The following PCNX4 variants were observed in gnomAD, a reference collection of about 807,000 sequenced individuals.
PCNX4 encodes pecanex 4.
Under a neutral mutation model 107.2 loss-of-function variants are expected in PCNX4, and 103 were observed. That is an observed-to-expected ratio of 0.96 (90% CI 0.82 to 1.13). The LOEUF is 1.13. Ranked by LOEUF, PCNX4 falls within the 50% of genes most tolerant of loss-of-function variation. The pLI is 0.00. For missense variants in PCNX4, 1,528 were observed against 1,379.4 expected, an observed-to-expected ratio of 1.11 and a Z score of -1.71; for synonymous variants, 541 against 481.7, an observed-to-expected ratio of 1.12 and a Z score of -1.61.
chr14:60,101,012 GCTCT>G (rs2140531347), intron 1 of PCNX4, among the ~76,000 whole-genome samples: 1 of 152,316 alleles, frequency 6.6e-6, no homozygotes, highest in African/African-American at 2.4e-5. Flanking sequence ...TCTGAAGTCT[GCTCT>G]CTGAGAGCTT....
chr14:60,098,199 C>G (rs1455070151), intron 1 of PCNX4, among the ~76,000 whole-genome samples: 4 of 152,078 alleles, frequency 2.6e-5, no homozygotes, highest in Non-Finnish European at 4.4e-5. Flanking sequence ...GATGTCAGCC[C>G]CAAGATAACC....
In PCNX4 at chr14:60,139,452, A is replaced by G. The variant is rs1896282171; in HGVS notation, c.*5231A>G. ...TCTAATATTTTAATGATTTAACAAT[A>G]TAGCCTCAAATATATAAGCAGAAAT... On this transcript the variant is annotated 3_prime_UTR_variant, in exon 11 of 11. Transcript: ENST00000406854. 1 of 152,160 alleles carries G rather than the reference A, an allele frequency of 6.6e-6. No individual in the cohort carries two copies. Among genetic ancestry groups the G allele is most frequent in the Non-Finnish European group, 1.5e-5 (1 of 67,970 alleles). 9.4% of individuals were successfully genotyped at this position (152,160 alleles called of 1,614,324 possible).
At chr14:60,120,506 G>A (rs1188237603) in intron 7 of PCNX4, among the ~76,000 whole-genome samples, 1 of 152,156 alleles carries the variant, frequency 6.6e-6, no homozygotes, top group East Asian at 1.9e-4. Context: ...GTTGGTTCTG[G>A]TATGTTAACA....
intron 2 of PCNX4, 127 bp downstream of exon 2, chr14:60,108,454 G>A: frequency 1.5e-6 from 1 of 653,406 alleles, no homozygotes; most frequent in South Asian, 2.9e-5. Flanking sequence ...TGGGTGACAG[G>A]TTATTTTGAT....
Position 60,116,063 on chromosome 14 carries a change from A to G in PCNX4, c.1578+3A>G, listed in dbSNP as rs376496527. 1 of 1,597,762 alleles carries G rather than the reference A, an allele frequency of 6.3e-7. No homozygotes were observed. The highest frequency in any genetic ancestry group is 1.3e-5 in the African/African-American group (1 of 74,126). The stretch of plus-strand genomic sequence containing the variant: ...ATACAGGACTCAGACTCTTACTGGT[A>G]AGTGTGTCTTTTAACAGCTTTACTG... On this transcript the variant is annotated splice_donor_region_variant and intron_variant, in intron 6 of 10. Coordinates refer to ENST00000406854, the MANE Select transcript of PCNX4 (RefSeq NM_001330177.2).
Position 60,125,663 on chromosome 14 carries a change from A to C in PCNX4, c.3107A>C (p.Lys1036Thr), listed in dbSNP as rs1310934408. Residue 1036 changes from lysine to threonine, a missense_variant, in exon 10 of 11, where the codon AAA becomes ACA. By Grantham distance (78) the Lys-to-Thr change is moderately conservative. Transcript: ENST00000406854. ...TATACTCTGAAACTAATGATTGATA[A>C]AGCAAGTTTAGGTCCAATAGAAGAC... ...FRYTLKLMIDKASLGPIEDFR... is the reference protein window; with the variant it reads ...FRYTLKLMIDTASLGPIEDFR... 8 of 1,547,152 alleles carry C rather than the reference A, an allele frequency of 5.2e-6. No homozygotes were observed. The highest frequency in any genetic ancestry group is 7.0e-6 in the Non-Finnish European group (8 of 1,150,328).
Position 60,114,889 on chromosome 14 carries a change from T to C in PCNX4, c.869+10T>C, listed in dbSNP as rs750391209. The C allele has an allele frequency of 1.3e-5, 21 of 1,589,262 alleles. 2 individuals carry two copies. In the South Asian group the frequency reaches 2.4e-4, roughly 19 times the overall value. On this transcript the variant is annotated intron_variant, in intron 3 of 10. Coordinates refer to ENST00000406854, the MANE Select transcript of PCNX4 (RefSeq NM_001330177.2). ...TGTCAACCCACTTACGGTATTTATTTTTAAATATTGATGTTATATGTAATA... is the reference window on the plus strand; with the variant it reads ...TGTCAACCCACTTACGGTATTTATTCTTAAATATTGATGTTATATGTAATA...
intron 1 of PCNX4, among the ~76,000 whole-genome samples, chr14:60,104,154 A>G (rs1307730270): frequency 6.6e-6 from 1 of 152,152 alleles, no homozygotes; most frequent in South Asian, 2.1e-4. Context: ...CCCCGTCTCC[A>G]CTAAAAATAC....
rs1348876150 is a variant in PCNX4, at chr14:60,140,564, A to C, written c.*6343A>C. The C allele has an allele frequency of 1.3e-5, 2 of 151,814 alleles. No homozygotes were observed. Among genetic ancestry groups the C allele is most frequent in the African/African-American group, 2.4e-5 (1 of 41,238 alleles). 9.4% of individuals were successfully genotyped at this position (151,814 alleles called of 1,614,324 possible). ...CATTCCCCCCAACATCAATGCAAAA[A>C]TCCCAAACAAAATACTAGCAAACTA... On this transcript the variant is annotated 3_prime_UTR_variant, in exon 11 of 11. Coordinates refer to ENST00000406854, the MANE Select transcript of PCNX4 (RefSeq NM_001330177.2). The surrounding 1 kb of genome is among the most constrained non-coding windows in gnomAD (Gnocchi z 4.2).
chr14:60,095,384 C>T lies in PCNX4; in HGVS notation c.-54+2965C>T, dbSNP rs542878072. On this transcript the variant is annotated intron_variant, in intron 1 of 10. Transcript: ENST00000406854. Reference sequence around the variant, plus strand: ...GTCTGGTGGGCCAGGGGTAACTGCACCTGTAAGCTGTCAATTGACATTGCC... The same window carrying T: ...GTCTGGTGGGCCAGGGGTAACTGCATCTGTAAGCTGTCAATTGACATTGCC... 2.6e-5 allele frequency among the ~76,000 whole-genome samples: 4 copies of T among 152,214 alleles called. No homozygotes were observed. In the East Asian group the frequency reaches 7.7e-4, roughly 29 times the overall value.
rs1367183824 is a variant in PCNX4, at chr14:60,138,470, CCAGA to C, written c.*4252_*4255del. 6.6e-6 allele frequency: 1 copy of C among 152,002 alleles called. No homozygotes were observed. The highest frequency in any genetic ancestry group is 1.9e-4 in the East Asian group (1 of 5,198). The allele number at this position is 152,002 out of a possible 1,614,324, so 9.4% of individuals were successfully genotyped here. On this transcript the variant is annotated 3_prime_UTR_variant, in exon 11 of 11. Coordinates refer to ENST00000406854, the MANE Select transcript of PCNX4 (RefSeq NM_001330177.2). Reference sequence around the variant, plus strand: ...CACAAAAAGAAAATCATTAAAGGAGCCAGACAATGATAAAAGACATTACTTTTAA... The same window carrying C: ...CACAAAAAGAAAATCATTAAAGGAGCCAATGATAAAAGACATTACTTTTAA...
chr14:60,108,363 T>C, intron 2 of PCNX4, 36 bp downstream of exon 2: 1 of 1,474,030 alleles, frequency 6.8e-7, no homozygotes, highest in Non-Finnish European at 9.2e-7. Context: ...ACTAACTTTG[T>C]TTTTAAGTAT....
intron 2 of PCNX4, among the ~76,000 whole-genome samples, chr14:60,112,554 C>T (rs1167375299): frequency 1.3e-5 from 2 of 152,066 alleles, no homozygotes; most frequent in South Asian, 2.1e-4. Flanking sequence ...TCCTTGTATA[C>T]GAATACTTTA....
intron 2 of PCNX4, among the ~76,000 whole-genome samples, chr14:60,113,348 A>T (rs1273584843): frequency 1.3e-5 from 2 of 152,162 alleles, no homozygotes; most frequent in African/African-American, 4.8e-5. Flanking sequence ...TAATTATTTC[A>T]GAAATTGTCT....
chr14:60,110,192 G>A (rs192775705), intron 2 of PCNX4: 3 of 167,300 alleles, frequency 1.8e-5, no homozygotes, highest in Admixed American at 1.3e-4. Context: ...GTTGGAGACA[G>A]GAAGTAATGA....
intron 10 of PCNX4, among the ~76,000 whole-genome samples, chr14:60,126,627 C>T (rs745886237): frequency 1.3e-5 from 2 of 152,142 alleles, no homozygotes; most frequent in Non-Finnish European, 2.9e-5. Flanking sequence ...CAACCCAGAA[C>T]GTAGGCTCTC....
At chr14:60,130,991 G>A (rs972228388) in intron 10 of PCNX4, among the ~76,000 whole-genome samples, 5 of 151,886 alleles carry the variant, frequency 3.3e-5, no homozygotes, top group Non-Finnish European at 7.4e-5. Flanking sequence ...GATGGGATTA[G>A]TGCCCTTATA....
chr14:60,138,112 G>C lies in PCNX4; in HGVS notation c.*3891G>C, dbSNP rs968396512. On this transcript the variant is annotated 3_prime_UTR_variant, in exon 11 of 11. Coordinates refer to ENST00000406854, the MANE Select transcript of PCNX4 (RefSeq NM_001330177.2). ...TCTCAAAAAGAAAAAAAAAAAAAAA[G>C]GATTCAGTGAATAGATTTGATAGAA... 6.7e-6 allele frequency: 1 copy of C among 149,844 alleles called. No homozygotes were observed. The highest frequency in any genetic ancestry group is 1.5e-5 in the Non-Finnish European group (1 of 67,812). The allele number at this position is 149,844 out of a possible 1,614,324, so 9.3% of individuals were successfully genotyped here.
chr14:60,136,080 G>C lies in PCNX4; in HGVS notation c.*1859G>C, dbSNP rs1896236142. ...TTACTTGTCAAATCATTCCAATCTG[G>C]ATCCCATCTCCATGACTCTCCCAAA... On this transcript the variant is annotated 3_prime_UTR_variant, in exon 11 of 11. Transcript: ENST00000406854. 1 of 150,652 alleles carries C rather than the reference G, an allele frequency of 6.6e-6. No individual in the cohort carries two copies. The highest frequency in any genetic ancestry group is 2.5e-5 in the African/African-American group (1 of 40,784). 9.3% of individuals were successfully genotyped at this position (150,652 alleles called of 1,614,324 possible).
Sources: allele counts gnomAD v4.1 joint callset (sites outside exome capture counted in the v4.1 genomes callset), GRCh38; gene constraint gnomAD v4.1.1; non-coding constraint Gnocchi (gnomAD v3.1); transcripts MANE v1.5; gene names NCBI Gene and HGNC (gene_info 2026-07-23, HGNC 2026-07-21).